ARHGAP24: variants seen among roughly 807,000 people sequenced by gnomAD.
The protein encoded by ARHGAP24 is Rho GTPase activating protein 24.
ARHGAP24 carries 50 observed loss-of-function variants against 76.4 expected under a neutral mutation model. That is an observed-to-expected ratio of 0.65 (90% CI 0.52 to 0.83). The LOEUF is 0.83. Ranked by LOEUF, ARHGAP24 falls within the 40% of genes least tolerant of loss-of-function variation. ARHGAP24 has a pLI of 0.00. For synonymous variants in ARHGAP24, 345 were observed against 323.3 expected (o/e 1.07, Z -0.72); for missense variants, 930 against 914.2 (o/e 1.02, Z -0.22).
intron 2 of ARHGAP24, among the ~76,000 whole-genome samples, chr4:85,625,322 A>G (rs1267565352): frequency 4.6e-5 from 7 of 151,932 alleles, no homozygotes; most frequent in South Asian, 2.1e-4. Flanking sequence ...CCTTCATTTC[A>G]TTACGTACCT....
At chr4:85,517,945 G>A (rs560791103) in intron 1 of ARHGAP24, among the ~76,000 whole-genome samples, 2 of 152,222 alleles carry the variant, frequency 1.3e-5, no homozygotes, top group East Asian at 1.9e-4. Flanking sequence ...GAAGGCAGAA[G>A]GGGTGTCACA....
chr4:85,921,304 T>C (rs1035550278), intron 3 of ARHGAP24, among the ~76,000 whole-genome samples: 44 of 152,196 alleles, frequency 2.9e-4, no homozygotes, highest in African/African-American at 8.7e-4. Flanking sequence ...TACTGCATGA[T>C]CTCACTTATA....
chr4:85,492,397 T>G (rs1178907860), intron 1 of ARHGAP24, among the ~76,000 whole-genome samples: 1 of 152,172 alleles, frequency 6.6e-6, no homozygotes, highest in Non-Finnish European at 1.5e-5. Context: ...TATTATTAGC[T>G]CCTCCTTTCT....
intron 2 of ARHGAP24, among the ~76,000 whole-genome samples, chr4:85,637,253 G>A (rs756188928): frequency 3.4e-4 from 51 of 151,976 alleles, no homozygotes; most frequent in Non-Finnish European, 7.1e-4. Flanking sequence ...TAAAATCATA[G>A]TTCAGATCCT....
At chr4:85,797,051 A>G (rs571907171) in intron 3 of ARHGAP24, among the ~76,000 whole-genome samples, 3 of 152,344 alleles carry the variant, frequency 2.0e-5, no homozygotes, top group South Asian at 2.1e-4. Flanking sequence ...GCCAGCATAC[A>G]GGCTCTAGGA....
At chr4:85,769,601 TTAG>T (rs1727054585) in intron 3 of ARHGAP24, among the ~76,000 whole-genome samples, 1 of 152,068 alleles carries the variant, frequency 6.6e-6, no homozygotes, top group Non-Finnish European at 1.5e-5. Flanking sequence ...CAGTAAATTG[TTAG>T]TAGTGGTTAA....
At position 86,001,021 on chromosome 4, in the gene ARHGAP24, A is replaced by C. The variant is rs1474770550; in HGVS notation, c.*299A>C. 1 of 497,256 alleles carries C rather than the reference A, an allele frequency of 2.0e-6. No homozygotes were observed. The highest frequency in any genetic ancestry group is 1.9e-5 in the African/African-American group (1 of 52,216). 30.8% of individuals were successfully genotyped at this position (497,256 alleles called of 1,614,324 possible). A position where few individuals can be genotyped will look rare whatever the true frequency, so the allele number is the denominator to read the frequency against. On this transcript the variant is annotated 3_prime_UTR_variant, in exon 10 of 10. Coordinates refer to ENST00000395184, the MANE Select transcript of ARHGAP24 (RefSeq NM_001025616.3). ...ATTTTATTGCAAGTCTTGTATTTAA[A>C]TGTTAAATCAATATGTTGTTGCAAT...
intron 3 of ARHGAP24, among the ~76,000 whole-genome samples, chr4:85,917,480 A>G (rs1427829742): frequency 6.6e-6 from 1 of 151,994 alleles, no homozygotes; most frequent in Non-Finnish European, 1.5e-5. Context: ...TCCCTGAGGA[A>G]TCGCCACACT....
intron 2 of ARHGAP24, among the ~76,000 whole-genome samples, chr4:85,605,160 A>G (rs138148584): frequency 4.6e-5 from 7 of 152,276 alleles, no homozygotes; most frequent in Admixed American, 6.5e-5. Flanking sequence ...TTGTGTCTAG[A>G]TTTTTTATGT....
intron 2 of ARHGAP24, among the ~76,000 whole-genome samples, chr4:85,632,216 C>T (rs1721180562): frequency 1.3e-5 from 2 of 151,880 alleles, no homozygotes; most frequent in Non-Finnish European, 1.5e-5. Flanking sequence ...GTTCTCTGAT[C>T]TCTATATAGC....
rs189142228 is a variant in ARHGAP24 at position 85,694,012 on chromosome 4, G to A, written c.181-27873G>A. ...AGTTCCTTCACCCACTCCTTCCCCAGGAGCCTTTCAGGGCCAGGAACTAGC... is the reference window on the plus strand; with the variant it reads ...AGTTCCTTCACCCACTCCTTCCCCAAGAGCCTTTCAGGGCCAGGAACTAGC... On this transcript the variant is annotated intron_variant, in intron 2 of 9. Coordinates refer to ENST00000395184, the MANE Select transcript of ARHGAP24 (RefSeq NM_001025616.3). 1.7e-4 allele frequency among the ~76,000 whole-genome samples: 26 copies of A among 152,254 alleles called. 1 individual carries two copies. The highest frequency in any genetic ancestry group is 6.3e-4 in the African/African-American group (26 of 41,562).
intron 5 of ARHGAP24, among the ~76,000 whole-genome samples, chr4:85,970,202 A>G (rs553272866): frequency 2.0e-5 from 3 of 152,252 alleles, no homozygotes; most frequent in Admixed American, 1.3e-4. Context: ...GCCTTTGTCA[A>G]TTCTGCAAGG....
At chr4:85,781,508 A>C (rs1287456699) in intron 3 of ARHGAP24, among the ~76,000 whole-genome samples, 1 of 152,266 alleles carries the variant, frequency 6.6e-6, no homozygotes, top group East Asian at 1.9e-4. Flanking sequence ...ATACTTGATC[A>C]TTTAACTTTA....
intron 3 of ARHGAP24, among the ~76,000 whole-genome samples, chr4:85,872,002 C>T (rs968779969): frequency 1.3e-5 from 2 of 150,954 alleles, no homozygotes; most frequent in African/African-American, 4.9e-5. Context: ...AGAGATTTAA[C>T]CAAGATCTAG....
chr4:85,917,200 A>G lies in ARHGAP24; in HGVS notation c.269-6448A>G, dbSNP rs577861612. 3.3e-5 allele frequency among the ~76,000 whole-genome samples: 5 copies of G among 152,140 alleles called. No homozygotes were observed. In the South Asian group the frequency reaches 1.0e-3, roughly 32 times the overall value. ...TCCTTGCAATAGATTACTGAGAATG[A>G]TGATTTCCAATTTCATCCATGTCCC... is the stretch of plus-strand genomic sequence containing the variant. On this transcript the variant is annotated intron_variant, in intron 3 of 9. Coordinates refer to ENST00000395184, the MANE Select transcript of ARHGAP24 (RefSeq NM_001025616.3).
At chr4:85,859,212 T>TACACAC (rs10645010) in intron 3 of ARHGAP24, among the ~76,000 whole-genome samples, 30,301 of 145,332 alleles carry the variant, frequency 0.21, 3,808 homozygotes, top group Non-Finnish European at 0.3. Context: ...GCCACATGCA[T>TACACAC]ACACACACAC....
At chr4:85,557,965 A>T (rs1171735234) in intron 1 of ARHGAP24, among the ~76,000 whole-genome samples, 1 of 152,146 alleles carries the variant, frequency 6.6e-6, no homozygotes, top group Admixed American at 6.5e-5. Context: ...TTCTCTCTCC[A>T]TTCCTCTCTC....
chr4:85,541,343 C>G lies in ARHGAP24; in HGVS notation c.-20-29179C>G, dbSNP rs538959224. ...TAATTTTTTGTATTTTTAGTAGAGA[C>G]GGGGTTTCACCATTTTAGCCGGGAT... is the stretch of plus-strand genomic sequence containing the variant. On this transcript the variant is annotated intron_variant, in intron 1 of 9. Coordinates refer to ENST00000395184, the MANE Select transcript of ARHGAP24 (RefSeq NM_001025616.3). 2.5e-4 allele frequency among the ~76,000 whole-genome samples: 32 copies of G among 127,570 alleles called. No homozygotes were observed. In the East Asian group the frequency reaches 6.3e-3, roughly 25 times the overall value. 83.7% of individuals were successfully genotyped at this position (127,570 alleles called of 152,430 possible).
At chr4:85,563,160 G>T (rs1237194529) in intron 1 of ARHGAP24, among the ~76,000 whole-genome samples, 1 of 152,180 alleles carries the variant, frequency 6.6e-6, no homozygotes, top group Non-Finnish European at 1.5e-5. Flanking sequence ...GGCTGCCTTT[G>T]TTACTCCCTT....
Sources: gnomAD v4.1 joint callset for allele counts (sites outside exome capture counted in the v4.1 genomes callset) on GRCh38, gnomAD v4.1.1 for gene constraint, MANE v1.5 for transcripts, NCBI Gene and HGNC (gene_info 2026-07-23, HGNC 2026-07-21) for gene names.